The following TRPM5 variants were observed in gnomAD, a reference collection of about 807,000 sequenced individuals.
TRPM5 encodes the protein transient receptor potential cation channel subfamily M member 5.
TRPM5 carries 121 observed loss-of-function variants against 124.9 expected under a neutral mutation model. The observed-to-expected ratio is 0.97, with a 90% CI of 0.84 to 1.13. TRPM5 has a LOEUF of 1.13. TRPM5 is among the 50% of genes most tolerant of loss of function. TRPM5 has a pLI of 0.00. For synonymous variants in TRPM5, 781 were observed against 700.5 expected, an observed-to-expected ratio of 1.11 and a Z score of -1.81; for missense variants, 1,643 against 1,589.1, an observed-to-expected ratio of 1.03 and a Z score of -0.58.
chr11:2,428,656 ATGG>A, the TRPM5 span, among the ~76,000 whole-genome samples: 1 of 150,032 alleles, frequency 6.7e-6, no homozygotes, highest in African/African-American at 2.5e-5. This position sits in a 1 kb window ranked among gnomAD's most constrained non-coding sequence, Gnocchi z 4.0. Context: ...AGTGATGGTG[ATGG>A]TGGTGGGAAT....
At chr11:2,413,182 A>G (rs1040756911) in exon 14 of TRPM5, 7 of 1,551,614 alleles carry the variant, frequency 4.5e-6, no homozygotes, top group African/African-American at 2.7e-5. Context: ...CAGGCTGTCC[A>G]GGTCCTGCAG....
exon 24 of TRPM5, chr11:2,404,880 A>G (rs1310042960): frequency 6.8e-7 from 1 of 1,477,656 alleles, no homozygotes; most frequent in African/African-American, 1.4e-5. Context: ...GTCAGTGCAC[A>G]ACGTGCAGGG....
In TRPM5 at chr11:2,410,784, T is replaced by A. The variant is rs1265262667; in HGVS notation, c.2782+568A>T. On this transcript the variant is annotated intron_variant, in intron 18 of 23. Transcript: ENST00000155858. ...GGCAGGCCACACACACACATTGGGG[T>A]GGGTCCCCAGGAGCAGCCAGGGTGC... 6 of 419,800 alleles carry A rather than the reference T, an allele frequency of 1.4e-5. No homozygotes were observed. In the Admixed American group the frequency reaches 1.7e-4, roughly 12 times the overall value. The allele number at this position is 419,800 out of a possible 1,614,324, so 26.0% of individuals were successfully genotyped here. A position where few individuals can be genotyped will look rare whatever the true frequency, so the allele number is the denominator to read the frequency against.
chr11:2,434,392 TGA>T, the TRPM5 span, among the ~76,000 whole-genome samples: 2 of 150,030 alleles, frequency 1.3e-5, no homozygotes, highest in Non-Finnish European at 3.0e-5. Context: ...ATGCTGTTTG[TGA>T]GAGTGTGTGT....
chr11:2,420,666 C>T (rs1034516322), intron 3 of TRPM5, among the ~76,000 whole-genome samples: 8 of 152,202 alleles, frequency 5.3e-5, no homozygotes, highest in Admixed American at 2.0e-4. Flanking sequence ...CCCAGGCTGC[C>T]GGGAGCACCT....
At chr11:2,412,349 TCCATCTATGAC>T (rs2133512681) in intron 15 of TRPM5, 96 bp from the exon 21 acceptor site, 458 of 968,614 alleles carry the variant, frequency 4.7e-4, no homozygotes, top group Non-Finnish European at 6.0e-4. Context: ...GGATCAGGGT[TCCATCTATGAC>T]CAGGGCCGAG....
exon 18 of TRPM5, chr11:2,411,505 GGAA>G (rs752329373): frequency 1.6e-5 from 25 of 1,609,242 alleles, no homozygotes; most frequent in East Asian, 2.2e-5. Flanking sequence ...AGAAAGAAGA[GGAA>G]GAAGAAGACG....
chr11:2,414,256 G>C, intron 11 of TRPM5, 50 bp from the exon 17 acceptor site: 1 of 1,562,014 alleles, frequency 6.4e-7, no homozygotes, highest in Non-Finnish European at 8.7e-7. Context: ...TGCCCGGCCC[G>C]GCCCCCGACG....
chr11:2,434,211 GTGTC>G, the TRPM5 span, among the ~76,000 whole-genome samples: 1,475 of 151,946 alleles, frequency 9.7e-3, 25 homozygotes, highest in African/African-American at 0.034. Context: ...TGCACCATGT[GTGTC>G]TGTGTGGACG....
upstream of TRPM5, among the ~76,000 whole-genome samples, chr11:2,425,252 G>T (rs776594917): frequency 3.3e-5 from 5 of 152,282 alleles, no homozygotes; most frequent in Non-Finnish European, 7.4e-5. Context: ...GAGCCCAGAC[G>T]TCCCAAATCC....
exon 18 of TRPM5, chr11:2,411,482 G>A (rs746838227): frequency 1.1e-5 from 17 of 1,611,182 alleles, no homozygotes; most frequent in South Asian, 9.9e-5. Flanking sequence ...CGTAGGCCAC[G>A]AGCCACACGC....
chr11:2,415,490 C>T lies in TRPM5; in HGVS notation c.1129-19G>A. 6.6e-7 allele frequency: 1 copy of T among 1,510,766 alleles called. No homozygotes were observed. Among genetic ancestry groups the T allele is most frequent in the Non-Finnish European group, 8.9e-7 (1 of 1,125,110 alleles). 93.6% of individuals were successfully genotyped at this position (1,510,766 alleles called of 1,614,324 possible). ...CACAGGACTTGGCGGCCATGGGCACCCGAGGGAAGGGGGACAAGAGAGTGA... is the reference window on the plus strand; with the variant it reads ...CACAGGACTTGGCGGCCATGGGCACTCGAGGGAAGGGGGACAAGAGAGTGA... On this transcript the variant is annotated intron_variant, in intron 8 of 23. Transcript: ENST00000155858.
chr11:2,416,793 A>C (rs960077649), intron 7 of TRPM5, among the ~76,000 whole-genome samples: 24 of 152,194 alleles, frequency 1.6e-4, no homozygotes, highest in African/African-American at 5.5e-4. Context: ...GCCCTTCAGC[A>C]CGCGTTCGTC....
intron 15 of TRPM5, 23 bp downstream of exon 20, chr11:2,412,730 AC>A (rs778008345): frequency 1.3e-6 from 2 of 1,565,320 alleles, no homozygotes; most frequent in African/African-American, 2.7e-5. Context: ...AGTGGAGGGG[AC>A]CTAGGCTAGT....
intron 4 of TRPM5, among the ~76,000 whole-genome samples, chr11:2,418,878 T>C (rs753135): frequency 0.47 from 71,012 of 152,034 alleles, 17,457 homozygotes; most frequent in East Asian, 0.67. Flanking sequence ...CACCCAGCCC[T>C]ACAGGTGCAC....
upstream of TRPM5, among the ~76,000 whole-genome samples, chr11:2,425,339 C>G (rs1024628135): frequency 6.6e-6 from 1 of 152,234 alleles, no homozygotes; most frequent in Non-Finnish European, 1.5e-5. Flanking sequence ...TCCTGAGGCG[C>G]CAGGTGTTCC....
rs771681637 is a variant in TRPM5 at position 2,418,519 on chromosome 11, G to A, written c.714+8C>T. 4.4e-6 allele frequency: 7 copies of A among 1,609,150 alleles called. No individual in the cohort carries two copies. In the East Asian group the frequency reaches 1.6e-4, roughly 36 times the overall value. ...CGGCCAGCCAGGGGGCCTCAGCCAG[G>A]CCCCTACCTCCAAGGTGTTGGGATC... On this transcript the variant is annotated splice_region_variant and intron_variant, in intron 5 of 23. Coordinates refer to ENST00000155858, the Ensembl canonical transcript of TRPM5.
chr11:2,417,570 C>T (rs371417449), intron 7 of TRPM5, among the ~76,000 whole-genome samples, 157 bp downstream of exon 12: 2 of 152,246 alleles, frequency 1.3e-5, no homozygotes, highest in Non-Finnish European at 2.9e-5. Flanking sequence ...ATAAAACTTG[C>T]CAAATACAGA....
At chr11:2,434,539 G>C in the TRPM5 span, among the ~76,000 whole-genome samples, 78 of 150,872 alleles carry the variant, frequency 5.2e-4, no homozygotes, top group African/African-American at 1.9e-3. Flanking sequence ...TGCTGTGTAT[G>C]AGTGTGTGTG....
Sources: allele counts gnomAD v4.1 joint callset (sites outside exome capture counted in the v4.1 genomes callset), GRCh38; gene constraint gnomAD v4.1.1; non-coding constraint Gnocchi (gnomAD v3.1); transcripts MANE v1.5; gene names NCBI Gene and HGNC (gene_info 2026-07-23, HGNC 2026-07-21).